KLHL1: variants seen among roughly 807,000 people sequenced by gnomAD.
KLHL1 encodes kelch like family member 1.
Under a neutral mutation model 77.7 loss-of-function variants are expected in KLHL1, and 47 were observed. That is an observed-to-expected ratio of 0.60 (90% CI 0.48 to 0.77). The LOEUF (loss-of-function observed/expected upper bound fraction) is 0.77. Among genes scored for constraint, KLHL1 ranks in the 30% least tolerant of loss-of-function variants. KLHL1 has a pLI of 0.00. For synonymous variants in KLHL1, 360 were observed against 325.2 expected, an observed-to-expected ratio of 1.11 and a Z score of -1.15; for missense variants, 925 against 910.8, an observed-to-expected ratio of 1.02 and a Z score of -0.20.
intron 7 of KLHL1, among the ~76,000 whole-genome samples, chr13:69,741,592 AAAG>A (rs1313303432): frequency 6.6e-6 from 1 of 152,170 alleles, no homozygotes. Context: ...AGGGTGATCC[AAAG>A]AAGGTAATCA....
intron 4 of KLHL1, among the ~76,000 whole-genome samples, chr13:69,901,384 A>G (rs1437544094): frequency 6.6e-6 from 1 of 152,222 alleles, no homozygotes; most frequent in Non-Finnish European, 1.5e-5. Flanking sequence ...GGACTAGAGT[A>G]GGTAAATTAA....
At chr13:69,983,576 C>CAAAAAAAAAAAAAAAAAAAAAAAAA (rs1282357751) in intron 1 of KLHL1, among the ~76,000 whole-genome samples, 2 of 40,774 alleles carry the variant, frequency 4.9e-5, no homozygotes, top group Non-Finnish European at 9.4e-5. Flanking sequence ...CCTATCTTTA[C>CAAAAAAAAAAAAAAAAAAAAAAAAA]AAAAAAAAAA....
intron 6 of KLHL1, among the ~76,000 whole-genome samples, chr13:69,814,295 GAAC>G (rs554846940): frequency 0.011 from 1,742 of 152,122 alleles, 15 homozygotes; most frequent in Non-Finnish European, 0.016. Context: ...AAAAATCATA[GAAC>G]AATACCTATA....
At chr13:69,919,775 A>G (rs1356639129) in intron 4 of KLHL1, among the ~76,000 whole-genome samples, 1 of 152,134 alleles carries the variant, frequency 6.6e-6, no homozygotes, top group Non-Finnish European at 1.5e-5. Flanking sequence ...CCTGTCTCAT[A>G]TTTAGGTTTA....
intron 1 of KLHL1, among the ~76,000 whole-genome samples, chr13:70,100,729 T>C (rs1887905450): frequency 6.6e-6 from 1 of 152,202 alleles, no homozygotes; most frequent in Admixed American, 6.5e-5. Context: ...TCTTTAAAGT[T>C]TTAAATAACT....
chr13:69,946,958 T>G (rs2137248448), intron 3 of KLHL1, among the ~76,000 whole-genome samples: 1 of 150,402 alleles, frequency 6.6e-6, no homozygotes, highest in Non-Finnish European at 1.5e-5. Flanking sequence ...TTGTACCAAC[T>G]TATCATATGA....
chr13:69,893,546 C>T (rs1881511525), intron 4 of KLHL1, among the ~76,000 whole-genome samples: 1 of 152,262 alleles, frequency 6.6e-6, no homozygotes, highest in African/African-American at 2.4e-5. Context: ...AAATATTTCT[C>T]GAGTTTGTCA....
chr13:70,027,548 T>C (rs983307195), intron 1 of KLHL1, among the ~76,000 whole-genome samples: 6 of 151,752 alleles, frequency 4.0e-5, no homozygotes, highest in African/African-American at 1.5e-4. Flanking sequence ...GAGAAAACTA[T>C]AACAAAAGTT....
At chr13:70,066,282 C>A (rs190849533) in intron 1 of KLHL1, among the ~76,000 whole-genome samples, 1 of 152,270 alleles carries the variant, frequency 6.6e-6, no homozygotes. Context: ...CTGTCTAAGT[C>A]ATCTAGCAAT....
intron 1 of KLHL1, among the ~76,000 whole-genome samples, chr13:70,086,618 G>A (rs369336148): frequency 0.014 from 752 of 53,250 alleles, 48 homozygotes; most frequent in Middle Eastern, 0.019. Context: ...AAGAAAGAAA[G>A]AAAGAAAGAA....
intron 4 of KLHL1, among the ~76,000 whole-genome samples, chr13:69,939,378 T>TATACACACACACAC (rs1200160699): frequency 4.2e-5 from 3 of 70,820 alleles, no homozygotes; most frequent in African/African-American, 1.9e-4. Flanking sequence ...TATATATATA[T>TATACACACACACAC]ACACACACAC....
chr13:69,846,932 T>C (rs1238448944), intron 5 of KLHL1, among the ~76,000 whole-genome samples: 1 of 151,484 alleles, frequency 6.6e-6, no homozygotes, highest in Admixed American at 6.6e-5. Context: ...GGATGCATCA[T>C]TCAAGTATCT....
chr13:70,024,919 G>C (rs1234763061), intron 1 of KLHL1, among the ~76,000 whole-genome samples: 1 of 151,804 alleles, frequency 6.6e-6, no homozygotes, highest in African/African-American at 2.4e-5. Flanking sequence ...TAGTCTGAAG[G>C]ACAATCCCAG....
chr13:69,887,519 G>A (rs185911255), intron 4 of KLHL1, among the ~76,000 whole-genome samples: 2 of 152,228 alleles, frequency 1.3e-5, no homozygotes, highest in East Asian at 3.9e-4. Context: ...AGCAGTTGAC[G>A]AAAGCAACGT....
intron 5 of KLHL1, among the ~76,000 whole-genome samples, chr13:69,841,950 C>T (rs1008635460): frequency 6.6e-6 from 1 of 151,802 alleles, no homozygotes; most frequent in African/African-American, 2.4e-5. Flanking sequence ...AGGACACCCT[C>T]TTCAATAAAT....
chr13:69,951,901 C>A (rs552875093), intron 3 of KLHL1, among the ~76,000 whole-genome samples: 1 of 151,244 alleles, frequency 6.6e-6, no homozygotes. Context: ...AGAGTGCTGC[C>A]GAGGGAGCAT....
chr13:70,095,051 C>T (rs1593739524), intron 1 of KLHL1, among the ~76,000 whole-genome samples: 1 of 152,160 alleles, frequency 6.6e-6, no homozygotes, highest in East Asian at 1.9e-4. Context: ...TGTTGTAGCT[C>T]CTCCAACGTA....
At position 69,837,608 on chromosome 13, in the gene KLHL1, C is replaced by G. The variant is rs188172652; in HGVS notation, c.1414+1368G>C. On this transcript the variant is annotated intron_variant, in intron 6 of 10. Coordinates refer to ENST00000377844, the MANE Select transcript of KLHL1 (RefSeq NM_020866.3). ...ATACTATATATATACACATACATCT[C>G]TCTCTCTATATATATGTGTGTGTAT... Among the ~76,000 whole-genome samples the G allele has an allele frequency of 1.8e-3, 256 of 140,426 alleles. 6 individuals carry two copies. The highest frequency in any genetic ancestry group is 6.9e-3 in the African/African-American group (247 of 35,882). The allele number at this position is 140,426 out of a possible 152,430, so 92.1% of individuals were successfully genotyped here.
At chr13:69,799,740 T>C (rs1342875681) in intron 6 of KLHL1, among the ~76,000 whole-genome samples, 1 of 152,186 alleles carries the variant, frequency 6.6e-6, no homozygotes, top group East Asian at 1.9e-4. Context: ...TTCTGGAGGC[T>C]GCAGGAGAAA....
Sources: gnomAD v4.1 joint callset for allele counts (sites outside exome capture counted in the v4.1 genomes callset) on GRCh38, gnomAD v4.1.1 for gene constraint, MANE v1.5 for transcripts, NCBI Gene and HGNC (gene_info 2026-07-23, HGNC 2026-07-21) for gene names.